The following MYO1B variants were observed in gnomAD, a reference collection of about 807,000 sequenced individuals.
The protein encoded by MYO1B is unconventional myosin-Ib.
A neutral mutation model predicts 159.7 loss-of-function variants in MYO1B; 72 were observed. The ratio of observed to expected loss-of-function variants is 0.45; its 90% CI spans 0.37 to 0.55. MYO1B has a LOEUF of 0.55. Among genes scored for constraint, MYO1B ranks in the 20% least tolerant of loss-of-function variants. The pLI is 0.00. For missense variants in MYO1B, 1,062 were observed against 1,364.8 expected, an observed-to-expected ratio of 0.78 and a Z score of 3.50; for synonymous variants, 468 against 473.8, an observed-to-expected ratio of 0.99 and a Z score of 0.16.
At chr2:191,259,364 T>G (rs1365254020) in intron 1 of MYO1B, among the ~76,000 whole-genome samples, 1 of 152,230 alleles carries the variant, frequency 6.6e-6, no homozygotes, top group Non-Finnish European at 1.5e-5. Context: ...AAAAGATGTT[T>G]GTGGGCCTAC....
chr2:191,385,737 G>C, intron 15 of MYO1B, 147 bp from the exon 16 acceptor site: 2 of 824,904 alleles, frequency 2.4e-6, no homozygotes. Flanking sequence ...TGTGGCTTTT[G>C]TTATTGTTTT....
At chr2:191,248,197 C>G (rs1685901533) in intron 1 of MYO1B, among the ~76,000 whole-genome samples, 1 of 152,106 alleles carries the variant, frequency 6.6e-6, no homozygotes, top group Non-Finnish European at 1.5e-5. Flanking sequence ...TCATTACATG[C>G]CAAGAATTTT....
At chr2:191,294,600 G>T (rs1688871260) in intron 2 of MYO1B, among the ~76,000 whole-genome samples, 1 of 152,186 alleles carries the variant, frequency 6.6e-6, no homozygotes, top group African/African-American at 2.4e-5. Context: ...AGGACAACCA[G>T]AAAACCTTGA....
chr2:191,349,554 T>A (rs1559190307), intron 6 of MYO1B, among the ~76,000 whole-genome samples: 2 of 152,236 alleles, frequency 1.3e-5, no homozygotes. Context: ...TATGTGTGTT[T>A]CTGTGTGTTT....
intron 1 of MYO1B, among the ~76,000 whole-genome samples, chr2:191,275,291 T>C (rs576349118): frequency 4.3e-4 from 66 of 152,202 alleles, no homozygotes; most frequent in Non-Finnish European, 8.1e-4. Flanking sequence ...GTTTTTCTTT[T>C]TAGTGTTAAA....
At chr2:191,269,536 C>T (rs1053928673) in intron 1 of MYO1B, among the ~76,000 whole-genome samples, 4 of 152,074 alleles carry the variant, frequency 2.6e-5, no homozygotes, top group East Asian at 1.9e-4. Flanking sequence ...TTCTCGGTTA[C>T]GTAGGGAGTC....
At chr2:191,374,010 G>C (rs1452290729) in intron 13 of MYO1B, among the ~76,000 whole-genome samples, 1 of 151,898 alleles carries the variant, frequency 6.6e-6, no homozygotes, top group African/African-American at 2.4e-5. Context: ...ATTTGGTTGG[G>C]GATTTTTAGG....
At chr2:191,385,732 CT>C in intron 15 of MYO1B, 151 bp from the exon 16 acceptor site, 1 of 796,750 alleles carries the variant, frequency 1.3e-6, no homozygotes, top group Non-Finnish European at 2.0e-6. Context: ...ATTCCTGTGG[CT>C]TTTGTTATTG....
In MYO1B at chr2:191,397,399, C is replaced by G. The variant is rs560871526; in HGVS notation, c.2295+902C>G. On this transcript the variant is annotated intron_variant, in intron 21 of 30. Coordinates refer to ENST00000392318, the MANE Select transcript of MYO1B (RefSeq NM_001130158.3). ...ATTAGGGAGTGGTGATGACTCTTAACGAGCATGCTGACTTCAAGCATCTGT... is the reference window on the plus strand; with the variant it reads ...ATTAGGGAGTGGTGATGACTCTTAAGGAGCATGCTGACTTCAAGCATCTGT... Among the ~76,000 whole-genome samples the G allele has an allele frequency of 3.9e-3, 583 of 149,094 alleles. 2 individuals are homozygous for G. Among genetic ancestry groups the G allele is most frequent in the African/African-American group, 0.014 (559 of 40,720 alleles).
intron 24 of MYO1B, among the ~76,000 whole-genome samples, chr2:191,405,733 T>G (rs1193005901): frequency 6.6e-6 from 1 of 152,246 alleles, no homozygotes. Flanking sequence ...ATATGGGGCT[T>G]AAGATAGTCA....
At position 191,305,382 on chromosome 2, in the gene MYO1B, G is replaced by A. The variant is rs1337938441; in HGVS notation, c.251+9156G>A. 3.3e-5 allele frequency among the ~76,000 whole-genome samples: 5 copies of A among 152,332 alleles called. No homozygotes were observed. In the East Asian group the frequency reaches 9.7e-4, roughly 29 times the overall value. On this transcript the variant is annotated intron_variant, in intron 3 of 30. Coordinates refer to ENST00000392318, the MANE Select transcript of MYO1B (RefSeq NM_001130158.3). Reference sequence around the variant, plus strand: ...TCAGCAGAGCGAATATGAGGCCCTAGTCGTGAGACTGCGGAACTGAGGGTG... The same window carrying A: ...TCAGCAGAGCGAATATGAGGCCCTAATCGTGAGACTGCGGAACTGAGGGTG...
intron 2 of MYO1B, among the ~76,000 whole-genome samples, chr2:191,278,897 G>A (rs1056574202): frequency 3.9e-5 from 6 of 152,190 alleles, no homozygotes; most frequent in African/African-American, 7.2e-5. Context: ...TAACGTTACC[G>A]ATCATTTTTC....
intron 1 of MYO1B, among the ~76,000 whole-genome samples, chr2:191,255,801 A>G (rs1317085845): frequency 7.9e-6 from 1 of 126,670 alleles, no homozygotes; most frequent in Non-Finnish European, 1.9e-5. Context: ...CATTTTGAGT[A>G]TTGCCACTGC....
At chr2:191,261,065 A>T (rs149640765) in intron 1 of MYO1B, among the ~76,000 whole-genome samples, 100 of 152,208 alleles carry the variant, frequency 6.6e-4, no homozygotes, top group African/African-American at 2.3e-3. Context: ...TTTCTCTGTA[A>T]AGTGGATCAG....
intron 7 of MYO1B, among the ~76,000 whole-genome samples, chr2:191,356,257 T>G (rs959409023): frequency 6.6e-6 from 1 of 152,098 alleles, no homozygotes; most frequent in Non-Finnish European, 1.5e-5. Context: ...GTGTCTGTTT[T>G]TAATCTGCCT....
intron 2 of MYO1B, among the ~76,000 whole-genome samples, chr2:191,284,426 C>T (rs988214007): frequency 4.6e-5 from 7 of 152,182 alleles, no homozygotes; most frequent in African/African-American, 1.2e-4. Context: ...TGGTGACTTA[C>T]AGTCACTGTG....
At chr2:191,391,998 A>G (rs1258434777) in intron 18 of MYO1B, 110 bp from the exon 19 acceptor site, 1 of 641,772 alleles carries the variant, frequency 1.6e-6, no homozygotes, top group Non-Finnish European at 2.6e-6. Context: ...GAGCAATTAC[A>G]CTTGGAAATG....
chr2:191,307,755 T>C (rs1233275269), intron 3 of MYO1B, among the ~76,000 whole-genome samples: 3 of 152,102 alleles, frequency 2.0e-5, no homozygotes, highest in African/African-American at 7.2e-5. Flanking sequence ...GTTTCCATGA[T>C]CCTCAGGTTC....
intron 12 of MYO1B, 29 bp downstream of exon 12, chr2:191,369,657 T>A (rs187059262): frequency 1.4e-5 from 21 of 1,521,654 alleles, no homozygotes; most frequent in Admixed American, 5.0e-5. Context: ...CAAAATCAGT[T>A]GTAATAAATG....
Sources: allele counts gnomAD v4.1 joint callset (sites outside exome capture counted in the v4.1 genomes callset), GRCh38; gene constraint gnomAD v4.1.1; transcripts MANE v1.5; gene names NCBI Gene and HGNC (gene_info 2026-07-23, HGNC 2026-07-21).